SPATA31D1: variants seen among roughly 807,000 people sequenced by gnomAD.
The protein encoded by SPATA31D1 is spermatogenesis-associated protein 31D1.
In SPATA31D1, 6 loss-of-function variants were observed where a neutral mutation model predicts 13.2. The ratio of observed to expected loss-of-function variants is 0.46; its 90% CI spans 0.25 to 0.90. SPATA31D1 has a LOEUF of 0.90. Ranked by LOEUF, SPATA31D1 falls within the 40% of genes least tolerant of loss-of-function variation. SPATA31D1 has a pLI of 0.18. For synonymous variants in SPATA31D1, 903 were observed against 718.8 expected, an observed-to-expected ratio of 1.26 and a Z score of -4.10; for missense variants, 2,445 against 1,884.7, an observed-to-expected ratio of 1.30 and a Z score of -5.50.
chr9:81,995,134 C>T lies in SPATA31D1; in HGVS notation c.4664C>T (p.Pro1555Leu). ...AAAAGCCCTGTGTTTAGTGATGTGCCTTTCCTAACTGGACAGAAAATGCTT... is the reference window on the plus strand; with the variant it reads ...AAAAGCCCTGTGTTTAGTGATGTGCTTTTCCTAACTGGACAGAAAATGCTT... ...SAKSPVFSDVPFLTGQKMLPK... is the reference protein window; with the variant it reads ...SAKSPVFSDVLFLTGQKMLPK... The change falls in exon 4 of 4, where the codon CCT (proline) becomes CTT (leucine). Residue 1555 changes from proline (P) to leucine (L), a missense_variant. Coordinates refer to ENST00000344803, the MANE Select transcript of SPATA31D1 (RefSeq NM_001001670.3). The T allele has an allele frequency of 1.3e-6, 2 of 1,597,806 alleles. No homozygotes were observed. The highest frequency in any genetic ancestry group is 2.3e-5 in the East Asian group (1 of 44,192).
chr9:81,994,815 G>T lies in SPATA31D1; in HGVS notation c.4345G>T (p.Val1449Phe), dbSNP rs750768667. ...GKAQHNPEVH[V>F]RAEPVQGCPC... Reference sequence around the variant, plus strand: ...AGCTCAGCACAACCCAGAAGTGCATGTCAGAGCAGAGCCTGTCCAGGGCTG... The same window carrying T: ...AGCTCAGCACAACCCAGAAGTGCATTTCAGAGCAGAGCCTGTCCAGGGCTG... The change falls in exon 4 of 4, where the codon GTC (valine) becomes TTC (phenylalanine). Residue 1449 changes from valine to phenylalanine, a missense_variant. Coordinates refer to ENST00000344803, the MANE Select transcript of SPATA31D1 (RefSeq NM_001001670.3). 6.2e-7 allele frequency: 1 copy of T among 1,613,956 alleles called. No homozygotes were observed. Among genetic ancestry groups the T allele is most frequent in the Non-Finnish European group, 8.5e-7 (1 of 1,179,878 alleles).
Position 81,992,273 on chromosome 9 carries a change from C to G in SPATA31D1, c.1803C>G (p.Ile601Met), listed in dbSNP as rs751531699. 5.0e-6 allele frequency: 8 copies of G among 1,613,662 alleles called. No individual in the cohort carries two copies. The highest frequency in any genetic ancestry group is 4.4e-5 in the South Asian group (4 of 91,080). The change falls in exon 4 of 4, where the codon ATC becomes ATG. Residue 601 changes from isoleucine to methionine, a missense_variant. Physicochemically the swap from Ile to Met is conservative, Grantham distance 10. Coordinates refer to ENST00000344803, the MANE Select transcript of SPATA31D1 (RefSeq NM_001001670.3). Reference sequence around the variant, plus strand: ...CTAGTCCTCTATTCCTGATTAGGATCTGTGGAGTGTGTTTTCATAGACCCC... The same window carrying G: ...CTAGTCCTCTATTCCTGATTAGGATGTGTGGAGTGTGTTTTCATAGACCCC... ...LLPSPLFLIR[I>M]CGVCFHRPQN...
Position 81,992,695 on chromosome 9 carries a change from G to A in SPATA31D1, c.2225G>A (p.Cys742Tyr). The change falls in exon 4 of 4, where the codon TGC (cysteine) becomes TAC (tyrosine). Residue 742 changes from cysteine to tyrosine, a missense_variant. Cys to Tyr is a radical substitution (Grantham distance 194, BLOSUM62 -2). Transcript: ENST00000344803. ...ATCTCTTTGGTTGAGGGTCAGAGGTGCAATGTTCTAAAGAAGTCCGCATCA... is the reference window on the plus strand; with the variant it reads ...ATCTCTTTGGTTGAGGGTCAGAGGTACAATGTTCTAAAGAAGTCCGCATCA... ...LNISLVEGQRCNVLKKSASSF... is the reference protein window; with the variant it reads ...LNISLVEGQRYNVLKKSASSF... 1 of 1,613,804 alleles carries A rather than the reference G, an allele frequency of 6.2e-7. No homozygotes were observed. Among genetic ancestry groups the A allele is most frequent in the Non-Finnish European group, 8.5e-7 (1 of 1,179,724 alleles).
Position 81,993,402 on chromosome 9 carries a change from A to T in SPATA31D1, c.2932A>T (p.Ser978Cys), listed in dbSNP as rs1475312420. The T allele has an allele frequency of 6.2e-7, 1 of 1,613,842 alleles. No homozygotes were observed. Among genetic ancestry groups the T allele is most frequent in the Non-Finnish European group, 8.5e-7 (1 of 1,179,902 alleles). Residue 978 changes from serine (S) to cysteine (C), a missense_variant, in exon 4 of 4, where the codon AGC becomes TGC. Physicochemically the swap from Ser to Cys is moderately radical, Grantham distance 112. Transcript: ENST00000344803. ...TCAAGGAGAAAAGTTGGGAACAACA[A>T]GCTCAGTCCCCATCCTTGATCGTCC... ...TFQGEKLGTT[S>C]SVPILDRPHP... is the part of the protein sequence containing the mutation.
rs1319623470 is a variant in SPATA31D1, at chr9:81,991,950, G to T, written c.1480G>T (p.Asp494Tyr). ...GCCTCCACACTCTAAATGCTTTGAAGACCATTTAGAGCAAAAATATGTCCA... is the reference window on the plus strand; with the variant it reads ...GCCTCCACACTCTAAATGCTTTGAATACCATTTAGAGCAAAAATATGTCCA... ...QQPPHSKCFE[D>Y]HLEQKYVQLF... The change falls in exon 4 of 4, where the codon GAC becomes TAC. Residue 494 changes from aspartate (D) to tyrosine (Y), a missense_variant. Asp to Tyr is a radical substitution (Grantham distance 160). Coordinates refer to ENST00000344803, the MANE Select transcript of SPATA31D1 (RefSeq NM_001001670.3). 1 of 1,613,636 alleles carries T rather than the reference G, an allele frequency of 6.2e-7. No individual in the cohort carries two copies. Among genetic ancestry groups the T allele is most frequent in the East Asian group, 2.2e-5 (1 of 44,896 alleles).
Position 81,992,535 on chromosome 9 carries a change from C to T in SPATA31D1, c.2065C>T (p.Gln689Ter). The T allele has an allele frequency of 1.2e-6, 2 of 1,611,942 alleles. No homozygotes were observed. The highest frequency in any genetic ancestry group is 1.1e-5 in the South Asian group (1 of 90,990). The stretch of plus-strand genomic sequence containing the variant: ...CTCTGAGGTAAGGAAGAAACTAGAG[C>T]AACACATTCGAAGGAGGCTCATCCA... ...LSSEVRKKLE[Q>*]HIRRRLIQRR... is the part of the protein sequence containing the mutation. The change falls in exon 4 of 4, where the codon CAA (glutamine) becomes TAA (stop). Residue 689 changes from glutamine to a stop codon, truncating the protein, a stop_gained. Coordinates refer to ENST00000344803, the MANE Select transcript of SPATA31D1 (RefSeq NM_001001670.3). LOFTEE classifies it low-confidence loss of function (END_TRUNC).
At position 81,993,229 on chromosome 9, in the gene SPATA31D1, T is replaced by A. The variant is rs527721706; in HGVS notation, c.2759T>A (p.Leu920His). 1 of 1,614,010 alleles carries A rather than the reference T, an allele frequency of 6.2e-7. No individual in the cohort carries two copies. Among genetic ancestry groups the A allele is most frequent in the East Asian group, 2.2e-5 (1 of 44,864 alleles). ...FRMRMLWGLP[L>H]KVLESIEIFK... The stretch of plus-strand genomic sequence containing the variant: ...ATGAGGATGCTGTGGGGCCTTCCCC[T>A]CAAGGTCCTTGAATCCATAGAAATC... Residue 920 changes from leucine (L) to histidine (H), a missense_variant, in exon 4 of 4, where the codon CTC becomes CAC. Transcript: ENST00000344803.
chr9:81,989,743 G>C (rs775023599), intron 1 of SPATA31D1, 35 bp from the exon 2 acceptor site: 2 of 1,612,304 alleles, frequency 1.2e-6, no homozygotes, highest in Non-Finnish European at 1.7e-6. Context: ...AGAGAAGTGA[G>C]TCCCAGCCTG....
In SPATA31D1 at chr9:81,989,808, G is replaced by T. The variant is rs778732519; in HGVS notation, c.217G>T (p.Gly73Cys). The T allele has an allele frequency of 4.3e-6, 7 of 1,613,660 alleles. No individual in the cohort carries two copies. Among genetic ancestry groups the T allele is most frequent in the African/African-American group, 1.3e-5 (1 of 74,918 alleles). ...HQGRAKRRRK[G>C]GTFKGFPDWK... Reference sequence around the variant, plus strand: ...GGGCAGAGCCAAGAGGAGAAGGAAAGGTGGGACATTCAAAGGTAATGTCAG... The same window carrying T: ...GGGCAGAGCCAAGAGGAGAAGGAAATGTGGGACATTCAAAGGTAATGTCAG... The change falls in exon 2 of 4, where the codon GGT becomes TGT. Residue 73 changes from glycine to cysteine, a missense_variant. Coordinates refer to ENST00000344803, the MANE Select transcript of SPATA31D1 (RefSeq NM_001001670.3).
Position 81,993,888 on chromosome 9 carries a change from C to G in SPATA31D1, c.3418C>G (p.Leu1140Val), listed in dbSNP as rs373118236. 2 of 1,613,870 alleles carry G rather than the reference C, an allele frequency of 1.2e-6. No individual in the cohort carries two copies. The highest frequency in any genetic ancestry group is 4.5e-5 in the East Asian group (2 of 44,882). Residue 1140 changes from leucine to valine, a missense_variant, in exon 4 of 4, where the codon CTT becomes GTT. Transcript: ENST00000344803. ...RKSSFHNVDR[L>V]QGSRKTFPVT... ...GAGTTCCTTTCATAATGTAGACAGG[C>G]TTCAGGGCAGTAGAAAGACCTTTCC...
Position 81,990,782 on chromosome 9 carries a change from T to C in SPATA31D1, c.312T>C (p.Pro104=), listed in dbSNP as rs141635858. The C allele has an allele frequency of 1.0e-3, 1,603 of 1,609,670 alleles. 14 individuals carry two copies. The African/African-American group carries it at 0.019, about 19-fold the overall frequency. The change falls in exon 4 of 4, where the codon CCT becomes CCC. Residue 104 remains proline (P), a synonymous_variant. Coordinates refer to ENST00000344803, the MANE Select transcript of SPATA31D1 (RefSeq NM_001001670.3). ...KLLSLLKSFG[P]PVSCSPRGQH... ...CTGGTCCTGACTGCAGCTTTGGACC[T>C]CCTGTTTCCTGCAGTCCTCGGGGCC...
chr9:81,993,561 G>C lies in SPATA31D1; in HGVS notation c.3091G>C (p.Asp1031His). Residue 1031 changes from aspartate (D) to histidine (H), a missense_variant, in exon 4 of 4, where the codon GAT (aspartate) becomes CAT (histidine). Coordinates refer to ENST00000344803, the MANE Select transcript of SPATA31D1 (RefSeq NM_001001670.3). ...ASTSLRRGTTDFQSEKLDSTS... is the reference protein window; with the variant it reads ...ASTSLRRGTTHFQSEKLDSTS... ...CACATCCCTTAGAAGAGGTACTACA[G>C]ATTTTCAAAGCGAAAAATTAGATTC... 1 of 1,613,704 alleles carries C rather than the reference G, an allele frequency of 6.2e-7. No individual in the cohort carries two copies. The highest frequency in any genetic ancestry group is 8.5e-7 in the Non-Finnish European group (1 of 1,179,836).
chr9:81,990,649 T>A, intron 3 of SPATA31D1, 124 bp from the exon 4 acceptor site: 1 of 1,377,372 alleles, frequency 7.3e-7, no homozygotes, highest in South Asian at 1.4e-5. Flanking sequence ...TATAGTGAGG[T>A]CATAGGACCT....
chr9:81,994,445 C>A lies in SPATA31D1; in HGVS notation c.3975C>A (p.Asn1325Lys), dbSNP rs754664248. 1 of 1,613,578 alleles carries A rather than the reference C, an allele frequency of 6.2e-7. No individual in the cohort carries two copies. The highest frequency in any genetic ancestry group is 1.1e-5 in the South Asian group (1 of 91,002). The part of the protein sequence containing the change: ...QRRRKSLPVH[N>K]KTSGEVLGSK... ...GGAGAAAGAGCCTCCCTGTTCATAA[C>A]AAGACATCAGGGGAGGTGCTTGGGA... Residue 1325 changes from asparagine to lysine, a missense_variant, in exon 4 of 4, where the codon AAC (asparagine) becomes AAA (lysine). By Grantham distance (94) the Asn-to-Lys change is moderately conservative. Coordinates refer to ENST00000344803, the MANE Select transcript of SPATA31D1 (RefSeq NM_001001670.3).
chr9:81,990,104 G>C, intron 2 of SPATA31D1: 1 of 519,936 alleles, frequency 1.9e-6, no homozygotes, highest in South Asian at 2.9e-5. Flanking sequence ...GGTGGGCTTG[G>C]AGTCAGAGCT....
Position 81,991,010 on chromosome 9 carries a change from T to G in SPATA31D1, c.540T>G (p.Pro180=). Residue 180 remains proline (P), a synonymous_variant, in exon 4 of 4, where the codon CCT becomes CCG. Coordinates refer to ENST00000344803, the MANE Select transcript of SPATA31D1 (RefSeq NM_001001670.3). ...FTLASTPSAT[P]PEDLILSPRP... ...TGGCTTCCACCCCCTCAGCAACCCC[T>G]CCAGAAGACCTAATACTGTCCCCTC... 6.2e-7 allele frequency: 1 copy of G among 1,613,606 alleles called. No individual in the cohort carries two copies. The highest frequency in any genetic ancestry group is 8.5e-7 in the Non-Finnish European group (1 of 1,179,706).
chr9:81,992,516 G>A lies in SPATA31D1; in HGVS notation c.2046G>A (p.Glu682=). Residue 682 remains glutamate (E), a synonymous_variant, in exon 4 of 4, where the codon GAG becomes GAA. Transcript: ENST00000344803. ...IIPGDFPLSS[E]VRKKLEQHIR... The stretch of plus-strand genomic sequence containing the variant: ...CTGGAGATTTTCCACTCAGCTCTGA[G>A]GTAAGGAAGAAACTAGAGCAACACA... The A allele has an allele frequency of 6.2e-7, 1 of 1,611,960 alleles. No individual in the cohort carries two copies. Among genetic ancestry groups the A allele is most frequent in the Non-Finnish European group, 8.5e-7 (1 of 1,179,726 alleles).
chr9:81,993,322 T>C lies in SPATA31D1; in HGVS notation c.2852T>C (p.Ile951Thr). The C allele has an allele frequency of 2.5e-6, 4 of 1,613,948 alleles. No homozygotes were observed. Among genetic ancestry groups the C allele is most frequent in the Non-Finnish European group, 3.4e-6 (4 of 1,179,880 alleles). Residue 951 changes from isoleucine to threonine, a missense_variant, in exon 4 of 4, where the codon ATC becomes ACC. By Grantham distance (89) the Ile-to-Thr change is moderately conservative (BLOSUM62 -1). Transcript: ENST00000344803. ...HFDLPSSATFISQGDSKDGVS... is the reference protein window; with the variant it reads ...HFDLPSSATFTSQGDSKDGVS... The stretch of plus-strand genomic sequence containing the variant: ...GACCTTCCCTCCTCAGCCACCTTCA[T>C]CTCTCAGGGAGATTCCAAAGATGGG...
rs539067199 is a variant in SPATA31D1, at chr9:81,991,869, T to C, written c.1399T>C (p.Ser467Pro). 11 of 1,613,780 alleles carry C rather than the reference T, an allele frequency of 6.8e-6. No individual in the cohort carries two copies. The African/African-American group carries it at 1.3e-4, about 20-fold the overall frequency. The part of the protein sequence containing the change: ...SIAVKHDLAE[S>P]FPFWASKGKL... ...TGCTGTTAAGCATGACTTGGCAGAA[T>C]CCTTTCCTTTTTGGGCCAGTAAAGG... Residue 467 changes from serine to proline, a missense_variant, in exon 4 of 4, where the codon TCC (serine) becomes CCC (proline). By Grantham distance (74) the Ser-to-Pro change is moderately conservative. Coordinates refer to ENST00000344803, the MANE Select transcript of SPATA31D1 (RefSeq NM_001001670.3).
Sources: allele counts gnomAD v4.1 joint callset, GRCh38; gene constraint gnomAD v4.1.1; transcripts MANE v1.5; gene names NCBI Gene and HGNC (gene_info 2026-07-23, HGNC 2026-07-21).